The following EDA variants were observed in gnomAD, a reference collection of about 807,000 sequenced individuals.
EDA encodes ectodysplasin A, also known as ectodysplasin-A.
A neutral mutation model predicts 23.6 loss-of-function variants in EDA; 2 were observed. The observed-to-expected ratio is 0.08, with a 90% CI of 0.03 to 0.27. The LOEUF (loss-of-function observed/expected upper bound fraction) is 0.27, where lower values mean the gene tolerates loss of function less well. Among genes scored for constraint, EDA ranks in the 10% least tolerant of loss-of-function variants. EDA has a pLI of 1.00. For missense variants in EDA, 229 were observed against 324.2 expected, an observed-to-expected ratio of 0.71 and a Z score of 2.26; for synonymous variants, 131 against 132.0, an observed-to-expected ratio of 0.99 and a Z score of 0.05.
intron 1 of EDA, among the ~76,000 whole-genome samples, chrX:69,661,261 G>A (rs1395997471): frequency 3.6e-4 from 37 of 103,454 alleles, no homozygotes; most frequent in African/African-American, 1.4e-3. Flanking sequence ...TTGTCAGATG[G>A]GTAGATTGTA....
intron 1 of EDA, among the ~76,000 whole-genome samples, chrX:69,841,688 A>G (rs2016898346): frequency 8.9e-6 from 1 of 111,841 alleles, no homozygotes; most frequent in Non-Finnish European, 1.9e-5. Context: ...ATTCTACTTT[A>G]TAATCTCCAT....
At chrX:69,900,695 T>C (rs1048336401) in intron 1 of EDA, among the ~76,000 whole-genome samples, 2 of 110,585 alleles carry the variant, frequency 1.8e-5, no homozygotes, top group African/African-American at 6.6e-5. Context: ...AAGCTAGTGG[T>C]TTGGTTGTCA....
chrX:69,846,850 A>G (rs968185077), intron 1 of EDA, among the ~76,000 whole-genome samples: 3 of 111,801 alleles, frequency 2.7e-5, no homozygotes, highest in African/African-American at 6.5e-5. Flanking sequence ...TGGTCTCTTC[A>G]GATTCCAGGT....
intron 1 of EDA, among the ~76,000 whole-genome samples, chrX:69,935,661 T>C (rs1029702431): frequency 1.2e-4 from 13 of 111,298 alleles, no homozygotes; most frequent in African/African-American, 4.2e-4. Context: ...ATATTATTGA[T>C]TGAAGTATAG....
At chrX:69,823,612 A>G (rs1395852865) in intron 1 of EDA, among the ~76,000 whole-genome samples, 1 of 80,286 alleles carries the variant, frequency 1.2e-5, no homozygotes, top group South Asian at 7.7e-4. Context: ...TTGTCAGATG[A>G]GTAGGTTGCG....
intron 2 of EDA, among the ~76,000 whole-genome samples, chrX:69,969,798 A>C (rs1179177441): frequency 9.0e-6 from 1 of 111,472 alleles, no homozygotes; most frequent in Non-Finnish European, 1.9e-5. Flanking sequence ...GGTGAAATAC[A>C]CACATAAGAA....
chrX:69,755,768 C>T (rs777909548), intron 1 of EDA, among the ~76,000 whole-genome samples: 15 of 112,418 alleles, frequency 1.3e-4, no homozygotes, highest in South Asian at 3.7e-4. Context: ...CAATGGCAGA[C>T]GCCCCTCCCC....
At chrX:70,015,326 G>A (rs1333835717) in intron 2 of EDA, among the ~76,000 whole-genome samples, 6 of 111,836 alleles carry the variant, frequency 5.4e-5, no homozygotes, top group African/African-American at 1.6e-4. Flanking sequence ...TAATCTCAGC[G>A]CTTTGGGAGG....
chrX:69,738,797 C>T (rs1293601158), intron 1 of EDA, among the ~76,000 whole-genome samples: 1 of 108,851 alleles, frequency 9.2e-6, no homozygotes, highest in Non-Finnish European at 1.9e-5. Context: ...TTTTAATTTC[C>T]CAACTTTATT....
At chrX:69,882,600 C>T (rs2017764529) in intron 1 of EDA, among the ~76,000 whole-genome samples, 1 of 112,031 alleles carries the variant, frequency 8.9e-6, no homozygotes, top group Admixed American at 9.5e-5. Flanking sequence ...GAAACAGCCC[C>T]TGTCTATTAG....
chrX:69,637,841 A>G (rs1279784781), intron 1 of EDA, among the ~76,000 whole-genome samples: 2 of 110,927 alleles, frequency 1.8e-5, no homozygotes, highest in Non-Finnish European at 3.8e-5. Flanking sequence ...TGTTCTAATC[A>G]TTACTGTGCT....
At chrX:69,669,081 A>G (rs1254155743) in intron 1 of EDA, among the ~76,000 whole-genome samples, 3 of 112,159 alleles carry the variant, frequency 2.7e-5, no homozygotes, top group African/African-American at 6.5e-5. Context: ...ATATAAAGAT[A>G]TAAGCACAGC....
In EDA at chrX:69,910,372, AGAGTGTGTGT is replaced by A. The variant is rs1283276957; in HGVS notation, c.397-46653_397-46644del. Among the ~76,000 whole-genome samples the A allele has an allele frequency of 2.7e-3, 141 of 51,453 alleles. 1 individual carries two copies. The highest frequency in any genetic ancestry group is 5.6e-3 in the South Asian group (5 of 886). 44.7% of individuals were successfully genotyped at this position (51,453 alleles called of 115,157 possible). On this transcript the variant is annotated intron_variant, in intron 1 of 7. Coordinates refer to ENST00000374552, the MANE Select transcript of EDA (RefSeq NM_001399.5). Reference sequence around the variant, plus strand: ...AAAGGAGAGAGAGAGAGAGAGAGAGAGAGTGTGTGTGTGTGTGTGTGTGTGTGTGTGTGTG... The same window carrying A: ...AAAGGAGAGAGAGAGAGAGAGAGAGAGTGTGTGTGTGTGTGTGTGTGTGTG...
chrX:69,994,720 A>G, intron 2 of EDA, among the ~76,000 whole-genome samples: 1 of 111,824 alleles, frequency 8.9e-6, no homozygotes, highest in East Asian at 2.8e-4. Context: ...AGCCTTCCCT[A>G]ATGTTCCAAA....
At chrX:69,617,335 A>T (rs1303105532) in intron 1 of EDA, 23 of 138,600 alleles carry the variant, frequency 1.7e-4, no homozygotes, top group Non-Finnish European at 2.3e-4. Flanking sequence ...ACAACTTCTG[A>T]ACAGCAATTT....
rs190168843 is a variant in EDA at position 69,995,589 on chromosome X, A to G, written c.503-27629A>G. Among the ~76,000 whole-genome samples the G allele has an allele frequency of 1.9e-3, 216 of 111,990 alleles. 2 individuals carry two copies. Among genetic ancestry groups the G allele is most frequent in the African/African-American group, 6.7e-3 (206 of 30,799 alleles). ...GTCATGTTCTGTGCTCAGGGCAGTAATATCTTCAGAAGCAGATGTCTCCCA... is the reference window on the plus strand; with the variant it reads ...GTCATGTTCTGTGCTCAGGGCAGTAGTATCTTCAGAAGCAGATGTCTCCCA... On this transcript the variant is annotated intron_variant, in intron 2 of 7. Transcript: ENST00000374552.
chrX:69,662,549 T>A (rs994457663), intron 1 of EDA, among the ~76,000 whole-genome samples: 1 of 112,334 alleles, frequency 8.9e-6, no homozygotes, highest in African/African-American at 3.2e-5. Context: ...CAGATATGTC[T>A]TTATTAGCAG....
intron 1 of EDA, among the ~76,000 whole-genome samples, chrX:69,834,222 G>C (rs750763215): frequency 9.1e-6 from 1 of 110,480 alleles, no homozygotes; most frequent in Non-Finnish European, 1.9e-5. Flanking sequence ...TATTAGGTCC[G>C]CTTGTTGCAG....
chrX:69,643,430 A>G (rs917751674), intron 1 of EDA, among the ~76,000 whole-genome samples: 2 of 110,090 alleles, frequency 1.8e-5, no homozygotes, highest in Non-Finnish European at 3.8e-5. Flanking sequence ...TGCTCTGACA[A>G]CTCTAGTAAG....
Sources: gnomAD v4.1 joint callset for allele counts (sites outside exome capture counted in the v4.1 genomes callset) on GRCh38, gnomAD v4.1.1 for gene constraint, MANE v1.5 for transcripts, NCBI Gene and HGNC (gene_info 2026-07-23, HGNC 2026-07-21) for gene names.